The following PCDH11Y variants were observed in gnomAD, a reference collection of about 807,000 sequenced individuals.
The protein encoded by PCDH11Y is protocadherin 11 Y-linked, also known as protocadherin-11 Y-linked.
For synonymous variants in PCDH11Y, 9 were observed against 83.6 expected (o/e 0.11, Z 4.87); for missense variants, 12 against 224.8 (o/e 0.05, Z 6.05).
At chrY:5,383,685 C>A in intron 2 of PCDH11Y, among the ~76,000 whole-genome samples, 1 of 31,381 alleles carries the variant, frequency 3.2e-5, no homozygotes, top group Non-Finnish European at 7.7e-5. Flanking sequence ...GTGGTGGGAT[C>A]TCGGCTCACT....
At chrY:5,387,712 C>T (rs2124675532) in intron 2 of PCDH11Y, among the ~76,000 whole-genome samples, 12 of 31,136 alleles carry the variant, frequency 3.9e-4, no homozygotes, top group African/African-American at 1.4e-3. Context: ...ACAGGTGGTG[C>T]GCAGGGCCCT....
At chrY:5,283,346 T>TA (rs2053056357) in intron 2 of PCDH11Y, among the ~76,000 whole-genome samples, 1 of 29,948 alleles carries the variant, frequency 3.3e-5, no homozygotes, top group African/African-American at 1.3e-4. Context: ...AGATTTACAG[T>TA]AAAAAAACAG....
chrY:5,126,648 A>C, intron 2 of PCDH11Y, among the ~76,000 whole-genome samples: 1 of 33,123 alleles, frequency 3.0e-5, no homozygotes, highest in African/African-American at 1.2e-4. Context: ...ATACAGATGA[A>C]TAGAGATATA....
At chrY:5,581,125 A>G (rs2053450706) in intron 3 of PCDH11Y, among the ~76,000 whole-genome samples, 1 of 32,569 alleles carries the variant, frequency 3.1e-5, no homozygotes, top group Non-Finnish European at 7.7e-5. Flanking sequence ...CAATAATGCA[A>G]GGCTTGAATT....
At chrY:5,279,000 A>G in intron 2 of PCDH11Y, among the ~76,000 whole-genome samples, 1 of 33,391 alleles carries the variant, frequency 3.0e-5, no homozygotes, top group Non-Finnish European at 7.4e-5. Flanking sequence ...TTTTTACTTC[A>G]TTGGTCAAAA....
At chrY:5,595,012 A>G in intron 4 of PCDH11Y, among the ~76,000 whole-genome samples, 3 of 26,084 alleles carry the variant, frequency 1.2e-4, no homozygotes, top group East Asian at 1.0e-3. Flanking sequence ...GTGGTTTCCT[A>G]CTGCTGGGAT....
chrY:5,435,126 G>T (rs2053272867), intron 2 of PCDH11Y, among the ~76,000 whole-genome samples: 2 of 32,880 alleles, frequency 6.1e-5, no homozygotes, highest in African/African-American at 1.2e-4. Flanking sequence ...ACATGAAAGG[G>T]GCTTTTCTGG....
At chrY:5,444,936 C>G (rs2053286170) in intron 2 of PCDH11Y, among the ~76,000 whole-genome samples, 2 of 28,419 alleles carry the variant, frequency 7.0e-5, no homozygotes, top group Non-Finnish European at 1.7e-4. Flanking sequence ...GTGAATGAAG[C>G]CAGATACCAA....
At chrY:5,685,570 A>G in intron 4 of PCDH11Y, among the ~76,000 whole-genome samples, 1 of 31,230 alleles carries the variant, frequency 3.2e-5, no homozygotes, top group Non-Finnish European at 7.8e-5. Context: ...TTTATTGAAA[A>G]TAGTGAGTTA....
intron 2 of PCDH11Y, among the ~76,000 whole-genome samples, chrY:5,165,960 T>C: frequency 6.3e-5 from 2 of 31,997 alleles, no homozygotes; most frequent in African/African-American, 2.4e-4. Context: ...TGATGAAATA[T>C]ACAAATTACT....
chrY:5,723,378 G>A (rs2124714336), intron 4 of PCDH11Y, among the ~76,000 whole-genome samples: 1 of 31,562 alleles, frequency 3.2e-5, no homozygotes, highest in African/African-American at 1.2e-4. Flanking sequence ...GTATATAGGA[G>A]TAATATCTCT....
chrY:5,655,222 G>A, intron 4 of PCDH11Y, among the ~76,000 whole-genome samples: 2 of 28,078 alleles, frequency 7.1e-5, no homozygotes, highest in Admixed American at 3.3e-4. Context: ...TTGATACGCC[G>A]TCTCCCTCAT....
chrY:5,739,887 G>A, exon 5 of PCDH11Y: 1 of 33,214 alleles, frequency 3.0e-5, no homozygotes, highest in Non-Finnish European at 7.5e-5. Flanking sequence ...GATGATATTT[G>A]AATGTTTATT....
chrY:5,016,596 G>T (rs1602837079), intron 1 of PCDH11Y, among the ~76,000 whole-genome samples: 114 of 32,449 alleles, frequency 3.5e-3, no homozygotes, highest in African/African-American at 0.012. Context: ...ATTTTATAAA[G>T]CAATGTTACA....
intron 2 of PCDH11Y, among the ~76,000 whole-genome samples, chrY:5,437,964 G>A: frequency 3.0e-5 from 1 of 32,826 alleles, no homozygotes; most frequent in Non-Finnish European, 7.5e-5. Flanking sequence ...TTCAACAATG[G>A]GAATGAAATG....
intron 1 of PCDH11Y, among the ~76,000 whole-genome samples, chrY:5,091,541 T>C (rs2052741278): frequency 3.0e-5 from 1 of 33,373 alleles, no homozygotes; most frequent in South Asian, 6.5e-4. Flanking sequence ...AAAATAGATG[T>C]GCTTCACTGT....
intron 2 of PCDH11Y, among the ~76,000 whole-genome samples, chrY:5,183,335 A>G (rs1184751512): frequency 3.0e-5 from 1 of 33,211 alleles, no homozygotes; most frequent in African/African-American, 1.2e-4. Context: ...GTCAGTCTCA[A>G]TGTGAGAACC....
rs1221311897 is a variant in PCDH11Y at position 5,489,459 on chromosome Y, T to TTA, written c.3130-11584_3130-11583dup. Among the ~76,000 whole-genome samples, 25 of 29,002 alleles carry TTA rather than the reference T, an allele frequency of 8.6e-4. No individual in the cohort carries two copies. The South Asian group carries it at 0.011, about 13-fold the overall frequency. 77.8% of individuals were successfully genotyped at this position (29,002 alleles called of 37,273 possible). A position where few individuals can be genotyped will look rare whatever the true frequency, so the allele number is the denominator to read the frequency against. On this transcript the variant is annotated intron_variant, in intron 2 of 4. Coordinates refer to the PCDH11Y transcript ENST00000400457. ...GATGTAGTGGCTTGAAAATATAAAATTATATATATATATATCCAAAGACAA... is the reference window on the plus strand; with the variant it reads ...GATGTAGTGGCTTGAAAATATAAAATTATATATATATATATATCCAAAGACAA...
chrY:5,156,162 AGT>A (rs56938003), intron 2 of PCDH11Y, among the ~76,000 whole-genome samples: 3,143 of 22,980 alleles, frequency 0.14, no homozygotes, highest in African/African-American at 0.55. Context: ...GCATTGTGTG[AGT>A]GTGTGTGTGT....
Sources: gnomAD v4.1 joint callset for allele counts (sites outside exome capture counted in the v4.1 genomes callset) on GRCh38, gnomAD v4.1.1 for gene constraint, MANE v1.5 for transcripts, NCBI Gene and HGNC (gene_info 2026-07-23, HGNC 2026-07-21) for gene names.